Variants in GRIA4 observed in about 807,000 individuals in gnomAD.
GRIA4 encodes the protein glutamate receptor 4.
In GRIA4, 34 loss-of-function variants were observed where a neutral mutation model predicts 104.0. That is an observed-to-expected ratio of 0.33 (90% CI 0.25 to 0.44). The LOEUF (loss-of-function observed/expected upper bound fraction) is 0.44, where lower values mean the gene tolerates loss of function less well. GRIA4 is among the 20% of genes least tolerant of loss of function. GRIA4 has a pLI of 1.00. For missense variants in GRIA4, 750 were observed against 1,096.5 expected (o/e 0.68, Z 4.46); for synonymous variants, 386 against 381.9 (o/e 1.01, Z -0.13).
intron 4 of GRIA4, among the ~76,000 whole-genome samples, chr11:105,848,769 AG>A (rs139010804): frequency 1.3e-5 from 2 of 152,298 alleles, no homozygotes; most frequent in African/African-American, 2.4e-5. Context: ...AGGTAGCAAG[AG>A]CAGGGAGTCT....
At chr11:105,882,213 T>G (rs921445568) in intron 5 of GRIA4, among the ~76,000 whole-genome samples, 1 of 152,204 alleles carries the variant, frequency 6.6e-6, no homozygotes, top group African/African-American at 2.4e-5. Flanking sequence ...TGTCACTGAA[T>G]TCTCTGGAAC....
At chr11:105,752,684 A>T (rs967080040) in intron 3 of GRIA4, among the ~76,000 whole-genome samples, 1 of 152,160 alleles carries the variant, frequency 6.6e-6, no homozygotes, top group Admixed American at 6.6e-5. Context: ...CCACATTATT[A>T]TGGAAGGCCA....
chr11:105,657,137 T>C (rs752034632), intron 3 of GRIA4, among the ~76,000 whole-genome samples: 11 of 152,040 alleles, frequency 7.2e-5, no homozygotes, highest in Non-Finnish European at 1.0e-4. Context: ...ATAACATTAT[T>C]GGATGTGGTA....
At chr11:105,954,792 G>A (rs1275634200) in intron 14 of GRIA4, among the ~76,000 whole-genome samples, 36 of 151,840 alleles carry the variant, frequency 2.4e-4, no homozygotes, top group Admixed American at 7.2e-4. Context: ...TGGGGGTTAG[G>A]TCTGAGCATG....
intron 4 of GRIA4, among the ~76,000 whole-genome samples, chr11:105,826,655 A>C (rs1294053191): frequency 6.6e-6 from 1 of 152,012 alleles, no homozygotes; most frequent in South Asian, 2.1e-4. Flanking sequence ...CTTAAAATTG[A>C]TTTGGTTTCG....
chr11:105,611,294 G>T (rs1169229389), intron 2 of GRIA4, among the ~76,000 whole-genome samples: 1 of 151,964 alleles, frequency 6.6e-6, no homozygotes, highest in East Asian at 1.9e-4. Flanking sequence ...CCACCCATGC[G>T]TTCTCAGCCC....
At chr11:105,681,040 A>G (rs1189485250) in intron 3 of GRIA4, among the ~76,000 whole-genome samples, 2 of 152,186 alleles carry the variant, frequency 1.3e-5, no homozygotes, top group Admixed American at 1.3e-4. Flanking sequence ...CCACCCTTAT[A>G]GTACTGGTAT....
chr11:105,930,345 C>G (rs1279755981), intron 13 of GRIA4, among the ~76,000 whole-genome samples: 1 of 151,958 alleles, frequency 6.6e-6, no homozygotes, highest in African/African-American at 2.4e-5. Flanking sequence ...AGGCTAATTT[C>G]TTTTTTCAAA....
At chr11:105,880,845 A>G (rs1276729276) in intron 5 of GRIA4, among the ~76,000 whole-genome samples, 1 of 152,238 alleles carries the variant, frequency 6.6e-6, no homozygotes, top group Non-Finnish European at 1.5e-5. Context: ...GAGAGTAAGT[A>G]TTTAAATATA....
chr11:105,880,847 T>G (rs1946025571), intron 5 of GRIA4, among the ~76,000 whole-genome samples: 1 of 152,206 alleles, frequency 6.6e-6, no homozygotes, highest in African/African-American at 2.4e-5. Flanking sequence ...GAGTAAGTAT[T>G]TAAATATAAA....
At chr11:105,777,868 T>G (rs1941521895) in intron 4 of GRIA4, among the ~76,000 whole-genome samples, 2 of 152,146 alleles carry the variant, frequency 1.3e-5, no homozygotes, top group Non-Finnish European at 2.9e-5. Context: ...GGTTACATCA[T>G]AAATAGTATG....
chr11:105,789,788 C>T (rs1942134590), intron 4 of GRIA4, among the ~76,000 whole-genome samples: 1 of 152,136 alleles, frequency 6.6e-6, no homozygotes, highest in African/African-American at 2.4e-5. Flanking sequence ...TACATAAGCA[C>T]ATTCTCTAAG....
chr11:105,640,160 C>T (rs1386196281), intron 3 of GRIA4, among the ~76,000 whole-genome samples: 1 of 151,792 alleles, frequency 6.6e-6, no homozygotes, highest in Non-Finnish European at 1.5e-5. Context: ...GTTTCCCTAA[C>T]ATTCAGAAAA....
chr11:105,971,957 G>A lies in GRIA4; in HGVS notation c.2338G>A (p.Val780Ile), dbSNP rs761018528. 4.3e-5 allele frequency: 70 copies of A among 1,612,754 alleles called. No individual in the cohort carries two copies. The highest frequency in any genetic ancestry group is 3.1e-4 in the South Asian group (28 of 91,052). The change falls in exon 15 of 17, where the codon GTC becomes ATC. Residue 780 changes from valine to isoleucine, a missense_variant. Coordinates refer to ENST00000282499, the MANE Select transcript of GRIA4 (RefSeq NM_000829.4). ...LAVLKLSEAG[V>I]LDKLKNKWWY... Reference sequence around the variant, plus strand: ...CGTTTTGAAACTCAGTGAGGCAGGCGTCTTAGACAAGCTGAAAAACAAATG... The same window carrying A: ...CGTTTTGAAACTCAGTGAGGCAGGCATCTTAGACAAGCTGAAAAACAAATG...
At chr11:105,912,534 AT>A in intron 10 of GRIA4, 1 of 261,376 alleles carries the variant, frequency 3.8e-6, no homozygotes, top group Middle Eastern at 2.0e-3. Context: ...ATATATATAA[AT>A]ATATATATAT....
chr11:105,734,664 C>A (rs1246731185), intron 3 of GRIA4, among the ~76,000 whole-genome samples: 1 of 152,166 alleles, frequency 6.6e-6, no homozygotes, highest in Non-Finnish European at 1.5e-5. Flanking sequence ...CACTTCCCCT[C>A]CCTCTCAGAC....
chr11:105,619,890 A>AT (rs932650205), intron 3 of GRIA4, among the ~76,000 whole-genome samples: 6 of 151,730 alleles, frequency 4.0e-5, no homozygotes, highest in African/African-American at 1.2e-4. Context: ...CTAACCAGGA[A>AT]TTTTTTTTAA....
At chr11:105,723,612 G>A (rs1023489678) in intron 3 of GRIA4, among the ~76,000 whole-genome samples, 2 of 152,074 alleles carry the variant, frequency 1.3e-5, no homozygotes, top group Non-Finnish European at 2.9e-5. Flanking sequence ...GCATGAATTA[G>A]TCTTAACCTC....
chr11:105,652,566 T>C (rs1465472003), intron 3 of GRIA4, among the ~76,000 whole-genome samples: 1 of 152,220 alleles, frequency 6.6e-6, no homozygotes, highest in Non-Finnish European at 1.5e-5. Context: ...CCAGATGATG[T>C]GAAGCTATCA....
Sources: gnomAD v4.1 joint callset for allele counts (sites outside exome capture counted in the v4.1 genomes callset) on GRCh38, gnomAD v4.1.1 for gene constraint, MANE v1.5 for transcripts, NCBI Gene and HGNC (gene_info 2026-07-23, HGNC 2026-07-21) for gene names.